PCYT2: variants seen among roughly 807,000 people sequenced by gnomAD.
The protein encoded by PCYT2 is phosphate cytidylyltransferase 2, ethanolamine.
In PCYT2, 33 loss-of-function variants were observed where a neutral mutation model predicts 50.0. That is an observed-to-expected ratio of 0.66 (90% CI 0.50 to 0.88). The LOEUF (loss-of-function observed/expected upper bound fraction) is 0.88, where lower values mean the gene tolerates loss of function less well. PCYT2 is among the 40% of genes least tolerant of loss of function. The pLI, the probability that PCYT2 is intolerant of heterozygous loss-of-function variation, is 0.00. For synonymous variants in PCYT2, 240 were observed against 203.7 expected, an observed-to-expected ratio of 1.18 and a Z score of -1.52; for missense variants, 430 against 519.7, an observed-to-expected ratio of 0.83 and a Z score of 1.68.
At chr17:81,906,654 C>A in intron 7 of PCYT2, 106 bp downstream of exon 7, 1 of 1,581,774 alleles carries the variant, frequency 6.3e-7, no homozygotes, top group Non-Finnish European at 8.7e-7. Flanking sequence ...AGCTGCTCCC[C>A]TGCAAACCAG....
At chr17:81,911,037 G>A (rs2040570635) in intron 1 of PCYT2, 6 of 997,468 alleles carry the variant, frequency 6.0e-6, no homozygotes, top group Non-Finnish European at 7.2e-6. Flanking sequence ...AGGTCGGCGT[G>A]ACCGGGCGGG....
intron 1 of PCYT2, among the ~76,000 whole-genome samples, chr17:81,910,330 C>T (rs921202793): frequency 3.9e-5 from 6 of 152,242 alleles, no homozygotes; most frequent in African/African-American, 1.4e-4. Context: ...ACAAAGCTGT[C>T]CCTGCCTCTC....
At chr17:81,905,236 G>A (rs1036046671) in intron 11 of PCYT2, 82 bp from the exon 12 acceptor site, 10 of 1,370,742 alleles carry the variant, frequency 7.3e-6, no homozygotes, top group Admixed American at 2.0e-5. Flanking sequence ...CCCAGAGGGA[G>A]ACCAGCGCCC....
chr17:81,906,236 C>T (rs148247488), intron 8 of PCYT2, 59 bp from the exon 9 acceptor site: 1 of 1,452,366 alleles, frequency 6.9e-7, no homozygotes, highest in African/African-American at 1.4e-5. Flanking sequence ...AGGGTGTGCC[C>T]CTCCCGGCTG....
Position 81,904,683 on chromosome 17 carries a change from G to C in PCYT2, c.*150C>G. On this transcript the variant is annotated 3_prime_UTR_variant, in exon 13 of 13. Coordinates refer to ENST00000538936, the MANE Select transcript of PCYT2 (RefSeq NM_002861.5). ...AGAGCGGAGAGCCTGCTGCAAACCA[G>C]GCACCTTGTAGGCAGGCAAGGAGGC... The C allele has an allele frequency of 1.7e-6, 1 of 604,266 alleles. No homozygotes were observed. Among genetic ancestry groups the C allele is most frequent in the East Asian group, 2.8e-5 (1 of 36,248 alleles). 37.4% of individuals were successfully genotyped at this position (604,266 alleles called of 1,614,324 possible). A position where few individuals can be genotyped will look rare whatever the true frequency, so the allele number is the denominator to read the frequency against.
chr17:81,902,353 T>C lies in PCYT2; in HGVS notation c.*2480A>G, dbSNP rs953011735. The C allele has an allele frequency of 1.5e-6, 2 of 1,348,588 alleles. No individual in the cohort carries two copies. The highest frequency in any genetic ancestry group is 3.1e-5 in the African/African-American group (2 of 64,938). 83.5% of individuals were successfully genotyped at this position (1,348,588 alleles called of 1,614,324 possible). A position where few individuals can be genotyped will look rare whatever the true frequency, so the allele number is the denominator to read the frequency against. On this transcript the variant is annotated 3_prime_UTR_variant, in exon 13 of 13. Coordinates refer to ENST00000538936, the MANE Select transcript of PCYT2 (RefSeq NM_002861.5). ...GCTGGCGCCGCCTGGCCTCGCGTGG[T>C]ACAAGCCAGCGGCGGGGCACAGCTC... is the stretch of plus-strand genomic sequence containing the variant.
In PCYT2 at chr17:81,906,386, T is replaced by C. The variant is rs938051476; in HGVS notation, c.759+78A>G. 4.9e-6 allele frequency: 7 copies of C among 1,441,224 alleles called. No individual in the cohort carries two copies. The African/African-American group carries it at 9.8e-5, about 20-fold the overall frequency. 89.3% of individuals were successfully genotyped at this position (1,441,224 alleles called of 1,614,324 possible). A position where few individuals can be genotyped will look rare whatever the true frequency, so the allele number is the denominator to read the frequency against. Reference sequence around the variant, plus strand: ...CTGGGGCCCCTTCCCAGAGACCACCTGCACCTAACAGCAACGCTTAGGGCC... The same window carrying C: ...CTGGGGCCCCTTCCCAGAGACCACCCGCACCTAACAGCAACGCTTAGGGCC... On this transcript the variant is annotated intron_variant, in intron 8 of 12. Coordinates refer to ENST00000538936, the MANE Select transcript of PCYT2 (RefSeq NM_002861.5).
rs1052674978 is a variant in PCYT2 at position 81,902,052 on chromosome 17, C to T, written c.*2781G>A. 33 of 297,564 alleles carry T rather than the reference C, an allele frequency of 1.1e-4. No individual in the cohort carries two copies. Among genetic ancestry groups the T allele is most frequent in the South Asian group, 1.6e-4 (1 of 6,308 alleles). 18.4% of individuals were successfully genotyped at this position (297,564 alleles called of 1,614,324 possible). On this transcript the variant is annotated 3_prime_UTR_variant, in exon 13 of 13. Coordinates refer to ENST00000538936, the MANE Select transcript of PCYT2 (RefSeq NM_002861.5). ...GCTTGAGGGGGCGTTGGGCTCCCAC[C>T]AAGCGCCAGATCCTTGCGCGCCTCC...
intron 4 of PCYT2, among the ~76,000 whole-genome samples, chr17:81,908,194 G>A (rs1006216745): frequency 1.8e-4 from 27 of 152,170 alleles, no homozygotes; most frequent in Non-Finnish European, 3.8e-4. Flanking sequence ...CTGAGCATCT[G>A]CAGCTGAGTG....
chr17:81,905,001 G>C, intron 12 of PCYT2, 57 bp from the exon 13 acceptor site: 1 of 1,585,128 alleles, frequency 6.3e-7, no homozygotes, highest in Non-Finnish European at 8.6e-7. Context: ...CCGAGGGGGA[G>C]GGCACGGTAA....
At position 81,902,581 on chromosome 17, in the gene PCYT2, G is replaced by C. The variant is rs2039998291; in HGVS notation, c.*2252C>G. 1.3e-6 allele frequency: 2 copies of C among 1,519,050 alleles called. No individual in the cohort carries two copies. The highest frequency in any genetic ancestry group is 1.8e-6 in the Non-Finnish European group (2 of 1,138,978). 94.1% of individuals were successfully genotyped at this position (1,519,050 alleles called of 1,614,324 possible). Reference sequence around the variant, plus strand: ...GGGCGGCGGCAGGACGTGGGTGGGGGTGCGGCGGCCCCTCAGCCTTTGCTT... The same window carrying C: ...GGGCGGCGGCAGGACGTGGGTGGGGCTGCGGCGGCCCCTCAGCCTTTGCTT... On this transcript the variant is annotated 3_prime_UTR_variant, in exon 13 of 13. Coordinates refer to ENST00000538936, the MANE Select transcript of PCYT2 (RefSeq NM_002861.5).
At chr17:81,905,840 T>C (rs1385602891) in intron 9 of PCYT2, 105 bp from the exon 10 acceptor site, 3 of 1,206,182 alleles carry the variant, frequency 2.5e-6, no homozygotes, top group African/African-American at 3.0e-5. Flanking sequence ...GGGCTGCCAG[T>C]GAGTAGCAGG....
chr17:81,908,710 C>A (rs2040416118), intron 3 of PCYT2, 76 bp from the exon 4 acceptor site: 3 of 1,397,872 alleles, frequency 2.1e-6, no homozygotes, highest in East Asian at 2.3e-5. Context: ...ACCCTCTCGG[C>A]CCCTGGCCTG....
rs2040456722 is a variant in PCYT2, at chr17:81,909,461, C to A, written c.178+53G>T. ...CCTGCAGGCTTTCAGTCAACAGTCGCAACCCACAGGAGGGCTGGGGGGCCG... is the reference window on the plus strand; with the variant it reads ...CCTGCAGGCTTTCAGTCAACAGTCGAAACCCACAGGAGGGCTGGGGGGCCG... On this transcript the variant is annotated intron_variant, in intron 2 of 12. Transcript: ENST00000538936. 1.9e-6 allele frequency: 3 copies of A among 1,553,750 alleles called. No individual in the cohort carries two copies. The South Asian group carries it at 3.3e-5, about 17-fold the overall frequency.
In PCYT2 at chr17:81,904,560, G is replaced by A. The variant is rs969277644; in HGVS notation, c.*273C>T. ...ATCCGGGGACCAGGTGGGGGCGCAC[G>A]CAGGAGCGGTGCGTTTCAGGCTGCA... On this transcript the variant is annotated 3_prime_UTR_variant, in exon 13 of 13. Coordinates refer to ENST00000538936, the MANE Select transcript of PCYT2 (RefSeq NM_002861.5). The A allele has an allele frequency of 1.3e-5, 6 of 444,580 alleles. No individual in the cohort carries two copies. The highest frequency in any genetic ancestry group is 7.7e-5 in the Admixed American group (2 of 25,826). The allele number at this position is 444,580 out of a possible 1,614,324, so 27.5% of individuals were successfully genotyped here. A position where few individuals can be genotyped will look rare whatever the true frequency, so the allele number is the denominator to read the frequency against.
At chr17:81,911,064 G>A in intron 1 of PCYT2, 1 of 1,001,604 alleles carries the variant, frequency 1.0e-6, no homozygotes, top group Non-Finnish European at 1.2e-6. Flanking sequence ...GCCAGAGGTA[G>A]ACGGGGTCGC....
At chr17:81,907,659 C>A in intron 5 of PCYT2, 61 bp from the exon 6 acceptor site, 1 of 1,600,270 alleles carries the variant, frequency 6.2e-7, no homozygotes, top group Non-Finnish European at 8.5e-7. Flanking sequence ...CACCCCAGAA[C>A]CGGCTGGGGA....
chr17:81,906,265 C>A, intron 8 of PCYT2, 88 bp from the exon 9 acceptor site: 1 of 1,296,174 alleles, frequency 7.7e-7, no homozygotes, highest in South Asian at 1.4e-5. Flanking sequence ...GGGAAGAAGT[C>A]GGGGAGGTTG....
intron 1 of PCYT2, among the ~76,000 whole-genome samples, chr17:81,910,622 A>C (rs1441917940): frequency 6.6e-6 from 1 of 152,244 alleles, no homozygotes; most frequent in East Asian, 1.9e-4. Context: ...ACTCGGACAC[A>C]GAAGACAAGG....
Sources: gnomAD v4.1 joint callset for allele counts (sites outside exome capture counted in the v4.1 genomes callset) on GRCh38, gnomAD v4.1.1 for gene constraint, MANE v1.5 for transcripts, NCBI Gene and HGNC (gene_info 2026-07-23, HGNC 2026-07-21) for gene names.